Variants in SPOCD1 observed in about 807,000 individuals in gnomAD.
SPOCD1 encodes the protein SPOC domain containing 1.
Under a neutral mutation model 92.2 loss-of-function variants are expected in SPOCD1, and 64 were observed. The observed-to-expected ratio is 0.69, with a 90% confidence interval of 0.57 to 0.86. The LOEUF is 0.86. SPOCD1 is among the 40% of genes least tolerant of loss of function. The pLI, the probability that SPOCD1 is intolerant of heterozygous loss-of-function variation, is 0.00. For synonymous variants in SPOCD1, 578 were observed against 619.3 expected, an observed-to-expected ratio of 0.93 and a Z score of 0.99; for missense variants, 1,360 against 1,543.1, an observed-to-expected ratio of 0.88 and a Z score of 1.99.
chr1:31,796,853 C>T, intron 9 of SPOCD1, 138 bp from the exon 10 acceptor site: 1 of 1,213,798 alleles, frequency 8.2e-7, no homozygotes, highest in Non-Finnish European at 1.2e-6. Context: ...CGCCATACCC[C>T]TCCTCTGGGA....
At chr1:31,809,876 T>C (rs368885929) in intron 2 of SPOCD1, among the ~76,000 whole-genome samples, 113 of 152,272 alleles carry the variant, frequency 7.4e-4, no homozygotes, top group South Asian at 3.9e-3. Context: ...AGGCTCTCCA[T>C]TTCCATTCAA....
At position 31,813,980 on chromosome 1, in the gene SPOCD1, C is replaced by G. The variant is rs562392582; in HGVS notation, c.1354G>C (p.Glu452Gln). Reference protein sequence around the residue: ...SDNSHQDRPEEPSPGGCPRLE... With the variant: ...SDNSHQDRPEQPSPGGCPRLE... ...CTGGGGCAGCCTCCTGGGCTGGGTTCCTCTGGCCTGTCCTGGTGGGAGTTG... is the reference window on the plus strand; with the variant it reads ...CTGGGGCAGCCTCCTGGGCTGGGTTGCTCTGGCCTGTCCTGGTGGGAGTTG... Residue 452 changes from glutamate (E) to glutamine (Q), a missense_variant, in exon 2 of 16, where the codon GAA becomes CAA. Transcript: ENST00000360482. 2 of 1,576,906 alleles carry G rather than the reference C, an allele frequency of 1.3e-6. No individual in the cohort carries two copies. Among genetic ancestry groups the G allele is most frequent in the East Asian group, 4.5e-5 (2 of 44,186 alleles).
chr1:31,801,522 G>C, intron 3 of SPOCD1, 142 bp downstream of exon 3: 1 of 683,442 alleles, frequency 1.5e-6, no homozygotes, highest in East Asian at 2.6e-5. Flanking sequence ...ACATTATAGA[G>C]GGAGGGGAGC....
chr1:31,799,698 T>C, intron 6 of SPOCD1, 111 bp downstream of exon 6: 2 of 1,354,666 alleles, frequency 1.5e-6, no homozygotes, highest in East Asian at 4.6e-5. Flanking sequence ...GCTGATGGGA[T>C]GTGGGGAGAG....
chr1:31,793,003 C>T (rs922517709), intron 13 of SPOCD1, among the ~76,000 whole-genome samples: 4 of 152,296 alleles, frequency 2.6e-5, no homozygotes, highest in East Asian at 1.9e-4. Flanking sequence ...TGCTCTCATC[C>T]GACACTTTAG....
intron 2 of SPOCD1, among the ~76,000 whole-genome samples, chr1:31,803,284 C>T (rs774887731): frequency 1.6e-4 from 24 of 152,170 alleles, no homozygotes; most frequent in Non-Finnish European, 2.6e-4. Context: ...CAGATTTGAT[C>T]GGGAACCAAA....
At chr1:31,792,056 A>G (rs1046244717) in intron 15 of SPOCD1, 159 bp downstream of exon 15, 2 of 745,926 alleles carry the variant, frequency 2.7e-6, no homozygotes, top group African/African-American at 1.8e-5. Flanking sequence ...ATGATATCCA[A>G]GCGTGAGCTA....
chr1:31,813,580 A>G (rs1649342937), intron 2 of SPOCD1, among the ~76,000 whole-genome samples: 1 of 151,472 alleles, frequency 6.6e-6, no homozygotes, highest in South Asian at 2.1e-4. Context: ...ATTATTTTAT[A>G]CCATAATCTC....
rs763747944 is a variant in SPOCD1, at chr1:31,814,021, G to C, written c.1313C>G (p.Thr438Arg). Residue 438 changes from threonine (T) to arginine (R), a missense_variant, in exon 2 of 16, where the codon ACA becomes AGA. Around this residue, in one of 3 missense-constraint regions of SPOCD1, gnomAD observed 606 missense variants for 601.5 expected, o/e 1.01. Transcript: ENST00000360482. This position sits in a 1 kb window ranked among gnomAD's most constrained non-coding sequence, Gnocchi z 4.2. ...GTGGGAGTTGTCTGAGCTTCTGTCT[G>C]TGCCCCGGTCTTGGGCACAGGGCAC... ...GPVPCAQDRGTDRSSDNSHQD... is the reference protein window; with the variant it reads ...GPVPCAQDRGRDRSSDNSHQD... 2 of 1,610,284 alleles carry C rather than the reference G, an allele frequency of 1.2e-6. No individual in the cohort carries two copies. The highest frequency in any genetic ancestry group is 1.7e-6 in the Non-Finnish European group (2 of 1,177,854).
At position 31,798,202 on chromosome 1, in the gene SPOCD1, C is replaced by T; in HGVS notation, c.2145+5G>A. On this transcript the variant is annotated splice_donor_5th_base_variant and intron_variant, in intron 9 of 15. Transcript: ENST00000360482. This position sits in a 1 kb window ranked among gnomAD's most constrained non-coding sequence, Gnocchi z 4.1. ...TCACCCATCCCGACTGGGCTCAGCA[C>T]TCACCCTTTTCTCCTCCTGGTCCCG... 1.2e-6 allele frequency: 2 copies of T among 1,612,524 alleles called. No homozygotes were observed. Among genetic ancestry groups the T allele is most frequent in the Non-Finnish European group, 1.7e-6 (2 of 1,178,582 alleles).
At chr1:31,800,789 AG>A (rs1246281561) in intron 3 of SPOCD1, among the ~76,000 whole-genome samples, 172 bp from the exon 4 acceptor site, 1 of 152,196 alleles carries the variant, frequency 6.6e-6, no homozygotes, top group African/African-American at 2.4e-5. Flanking sequence ...TGCTTGGAAA[AG>A]GCCTGGCACA....
At chr1:31,792,433 G>A (rs371800186) in intron 14 of SPOCD1, 32 bp from the exon 15 acceptor site, 180 of 1,603,512 alleles carry the variant, frequency 1.1e-4, no homozygotes, top group Non-Finnish European at 1.4e-4. Flanking sequence ...AGCTGTAAGC[G>A]CAGTCATCCT....
At chr1:31,797,163 A>G (rs149709292) in intron 9 of SPOCD1, among the ~76,000 whole-genome samples, 124 of 152,346 alleles carry the variant, frequency 8.1e-4, no homozygotes, top group African/African-American at 2.9e-3. Flanking sequence ...ATTAAACAAC[A>G]TATATAGAGT....
At position 31,793,336 on chromosome 1, in the gene SPOCD1, A is replaced by G. The variant is rs1359206753; in HGVS notation, c.2627T>C (p.Ile876Thr). The G allele has an allele frequency of 6.3e-7, 1 of 1,591,368 alleles. No individual in the cohort carries two copies. Residue 876 changes from isoleucine to threonine, a missense_variant, in exon 13 of 16, where the codon ATC becomes ACC. By Grantham distance (89) the Ile-to-Thr change is moderately conservative. This residue lies in a region of SPOCD1 where 614 missense variants were observed against 757.8 expected (regional missense o/e 0.81). Coordinates refer to ENST00000360482, the MANE Select transcript of SPOCD1 (RefSeq NM_144569.7). The stretch of plus-strand genomic sequence containing the variant: ...CTGGGCCCTGGCCCGGAACCGCTTG[A>G]TGGAGAACATGTCCAGAACACCTTC... The part of the protein sequence containing the change: ...PWEGVLDMFS[I>T]KRFRARAQLV...
chr1:31,804,379 T>A (rs941693792), intron 2 of SPOCD1, among the ~76,000 whole-genome samples: 8 of 151,696 alleles, frequency 5.3e-5, no homozygotes, highest in African/African-American at 2.0e-4. Context: ...TAACTTCAAC[T>A]ACTATTCTAT....
intron 10 of SPOCD1, 181 bp from the exon 11 acceptor site, chr1:31,794,416 G>C: frequency 2.1e-6 from 1 of 476,650 alleles, no homozygotes. Context: ...AAATTAAAAA[G>C]AAAATCACTT....
chr1:31,798,719 G>C lies in SPOCD1; in HGVS notation c.1869-118C>G, dbSNP rs769410463. On this transcript the variant is annotated intron_variant, in intron 7 of 15. Transcript: ENST00000360482. This position sits in a 1 kb window ranked among gnomAD's most constrained non-coding sequence, Gnocchi z 4.1. ...CTGGGCCAACTTGTTCCTGTCGTGGGTGTTTCCCTGCAGGAACCTACTTAT... is the reference window on the plus strand; with the variant it reads ...CTGGGCCAACTTGTTCCTGTCGTGGCTGTTTCCCTGCAGGAACCTACTTAT... 49 of 1,132,084 alleles carry C rather than the reference G, an allele frequency of 4.3e-5. No homozygotes were observed. The highest frequency in any genetic ancestry group is 5.5e-5 in the Non-Finnish European group (44 of 805,200). 70.1% of individuals were successfully genotyped at this position (1,132,084 alleles called of 1,614,324 possible).
chr1:31,795,743 C>T (rs1647963559), intron 10 of SPOCD1: 1 of 152,258 alleles, frequency 6.6e-6, no homozygotes, highest in South Asian at 2.1e-4. Flanking sequence ...TCCCCAGTGC[C>T]TAGAACCGTG....
rs369434872 is a variant in SPOCD1, at chr1:31,814,646, G to C, written c.688C>G (p.Gln230Glu). The change falls in exon 2 of 16, where the codon CAG (glutamine) becomes GAG (glutamate). Residue 230 changes from glutamine (Q) to glutamate (E), a missense_variant. Physicochemically the swap from Gln to Glu is conservative, Grantham distance 29. Coordinates refer to ENST00000360482, the MANE Select transcript of SPOCD1 (RefSeq NM_144569.7). This position sits in a 1 kb window ranked among gnomAD's most constrained non-coding sequence, Gnocchi z 4.2. ...EGAGDFLWLDQSPRGDNLLSV... is the reference protein window; with the variant it reads ...EGAGDFLWLDESPRGDNLLSV... ...AGGAGGTTGTCCCCACGAGGGCTCT[G>C]ATCAAGCCACAGGAAGTCACCAGCC... The C allele has an allele frequency of 5.2e-6, 8 of 1,542,800 alleles. No individual in the cohort carries two copies. In the African/African-American group the frequency reaches 6.9e-5, roughly 13 times the overall value.
Sources: gnomAD v4.1 joint callset for allele counts (sites outside exome capture counted in the v4.1 genomes callset) on GRCh38, gnomAD v4.1.1 for gene constraint, gnomAD v4.1.1 regional missense constraint, Gnocchi (gnomAD v3.1) non-coding constraint, MANE v1.5 for transcripts, NCBI Gene and HGNC (gene_info 2026-07-23, HGNC 2026-07-21) for gene names.